The following CELF2 variants were observed in gnomAD, a reference collection of about 807,000 sequenced individuals.
CELF2 encodes the protein CUG triplet repeat RNA-binding protein 2.
Under a neutral mutation model 62.6 loss-of-function variants are expected in CELF2, and 8 were observed. The ratio of observed to expected loss-of-function variants is 0.13; its 90% CI spans 0.07 to 0.23. The LOEUF (loss-of-function observed/expected upper bound fraction) is 0.23, where lower values mean the gene tolerates loss of function less well. Among genes scored for constraint, CELF2 ranks in the 10% least tolerant of loss-of-function variants. CELF2 has a pLI of 1.00. For synonymous variants in CELF2, 258 were observed against 250.0 expected, an observed-to-expected ratio of 1.03 and a Z score of -0.30; for missense variants, 333 against 671.0, an observed-to-expected ratio of 0.50 and a Z score of 5.56.
chr10:10,799,493 A>T (rs1419945181), intron 1 of CELF2, among the ~76,000 whole-genome samples: 1 of 152,048 alleles, frequency 6.6e-6, no homozygotes, highest in African/African-American at 2.4e-5. Flanking sequence ...CAAAAAATTT[A>T]AAAAAAGAGT....
chr10:10,742,932 T>G, the CELF2 span, among the ~76,000 whole-genome samples: 4 of 152,222 alleles, frequency 2.6e-5, no homozygotes, highest in South Asian at 8.3e-4. Context: ...ATTCTCAACT[T>G]TATGGAGAAA....
intron 2 of CELF2, among the ~76,000 whole-genome samples, chr10:10,963,083 C>A (rs922711191): frequency 3.6e-4 from 55 of 151,590 alleles, no homozygotes; most frequent in African/African-American, 1.2e-3. Flanking sequence ...CTCTGTTGCC[C>A]AGGCTGGAGT....
rs1387953733 is a variant in CELF2, at chr10:11,046,682, C to A, written c.74+28519C>A. On this transcript the variant is annotated intron_variant, in intron 1 of 12. Transcript: ENST00000633077. The surrounding 1 kb of genome is among the most constrained non-coding windows in gnomAD (Gnocchi z 4.6). ...CGGACGCTAATAACAGCCCGCAGAA[C>A]CCTCAGGACCCATACAGGAATGAGG... Among the ~76,000 whole-genome samples, 3 of 152,134 alleles carry A rather than the reference C, an allele frequency of 2.0e-5. No homozygotes were observed. Among genetic ancestry groups the A allele is most frequent in the Non-Finnish European group, 4.4e-5 (3 of 68,022 alleles).
chr10:11,266,442 A>C (rs865864692), intron 5 of CELF2, among the ~76,000 whole-genome samples, 156 bp from the exon 6 acceptor site: 26 of 152,268 alleles, frequency 1.7e-4, no homozygotes, highest in Non-Finnish European at 1.5e-4. Flanking sequence ...AAAATAAGAT[A>C]AAACCAGAGA....
In CELF2 at chr10:11,117,383, G is replaced by A. The variant is rs2056783573; in HGVS notation, c.75-48103G>A. On this transcript the variant is annotated intron_variant, in intron 1 of 12. Transcript: ENST00000633077. This position sits in a 1 kb window ranked among gnomAD's most constrained non-coding sequence, Gnocchi z 4.1. Reference sequence around the variant, plus strand: ...CACAAAAGTCAAAATGTTTTGCCCTGTAGAAATTGGTTAGGTATCATTCGA... The same window carrying A: ...CACAAAAGTCAAAATGTTTTGCCCTATAGAAATTGGTTAGGTATCATTCGA... 6.6e-6 allele frequency among the ~76,000 whole-genome samples: 1 copy of A among 152,136 alleles called. No homozygotes were observed. The highest frequency in any genetic ancestry group is 2.4e-5 in the African/African-American group (1 of 41,422).
In CELF2 at chr10:11,211,152, C is replaced by G. The variant is rs2061684545; in HGVS notation, c.272-6273C>G. ...AATTAGCCTGGTGTAGTGGCACATGCCTGCAGTCCTGGATACTCAGCAGCC... is the reference window on the plus strand; with the variant it reads ...AATTAGCCTGGTGTAGTGGCACATGGCTGCAGTCCTGGATACTCAGCAGCC... On this transcript the variant is annotated intron_variant, in intron 2 of 12. Coordinates refer to ENST00000633077, the MANE Select transcript of CELF2 (RefSeq NM_001326342.2). The surrounding 1 kb of genome is among the most constrained non-coding windows in gnomAD (Gnocchi z 4.8). Among the ~76,000 whole-genome samples, 2 of 152,106 alleles carry G rather than the reference C, an allele frequency of 1.3e-5. No individual in the cohort carries two copies. The highest frequency in any genetic ancestry group is 4.8e-5 in the African/African-American group (2 of 41,422).
the CELF2 span, among the ~76,000 whole-genome samples, chr10:10,737,390 A>G: frequency 2.0e-5 from 3 of 152,122 alleles, no homozygotes; most frequent in African/African-American, 7.2e-5. Context: ...ACAGAGAATT[A>G]TCTCTAAACA....
At chr10:10,901,416 G>T (rs10795831) in intron 1 of CELF2, among the ~76,000 whole-genome samples, 45,235 of 152,074 alleles carry the variant, frequency 0.3, 7,589 homozygotes, top group East Asian at 0.65. Flanking sequence ...CAAAATCAAT[G>T]AAGTGAGAAA....
the CELF2 span, among the ~76,000 whole-genome samples, chr10:10,655,057 C>G: frequency 1.5e-4 from 23 of 149,766 alleles, no homozygotes; most frequent in East Asian, 3.7e-3. Flanking sequence ...AAATCACAAG[C>G]ATTCTTATAC....
chr10:10,711,761 A>G, the CELF2 span, among the ~76,000 whole-genome samples: 1 of 152,142 alleles, frequency 6.6e-6, no homozygotes, highest in Non-Finnish European at 1.5e-5. Context: ...GCATGCCTGT[A>G]GTCTCAGCTA....
chr10:11,205,646 G>A (rs2060253940), intron 2 of CELF2, among the ~76,000 whole-genome samples: 1 of 152,220 alleles, frequency 6.6e-6, no homozygotes, highest in Non-Finnish European at 1.5e-5. Context: ...ATGGGCATGA[G>A]AAGACTATCC....
the CELF2 span, among the ~76,000 whole-genome samples, chr10:10,687,758 T>G: frequency 6.6e-6 from 1 of 152,240 alleles, no homozygotes; most frequent in Non-Finnish European, 1.5e-5. Flanking sequence ...GGTTGAAAGT[T>G]TTCTTGCCGG....
chr10:10,568,103 A>G, the CELF2 span, among the ~76,000 whole-genome samples: 1 of 152,270 alleles, frequency 6.6e-6, no homozygotes, highest in East Asian at 1.9e-4. Context: ...AGGAAGTAAA[A>G]GGAGGCAAGG....
intron 1 of CELF2, among the ~76,000 whole-genome samples, chr10:10,894,549 C>A (rs1333772865): frequency 6.6e-6 from 1 of 152,140 alleles, no homozygotes; most frequent in African/African-American, 2.4e-5. Context: ...ACGTCCCAGG[C>A]CCTGGTTTCA....
chr10:10,727,030 T>G, the CELF2 span, among the ~76,000 whole-genome samples: 1 of 152,166 alleles, frequency 6.6e-6, no homozygotes, highest in Non-Finnish European at 1.5e-5. Context: ...AACAACCAGA[T>G]CTCGTGAGAA....
chr10:11,060,838 G>C (rs958374194), intron 1 of CELF2, among the ~76,000 whole-genome samples: 1 of 152,128 alleles, frequency 6.6e-6, no homozygotes, highest in Non-Finnish European at 1.5e-5. Context: ...TGTTACTATT[G>C]TAATTGTTTC....
the CELF2 span, among the ~76,000 whole-genome samples, chr10:10,786,154 C>A: frequency 6.6e-6 from 1 of 152,188 alleles, no homozygotes; most frequent in Non-Finnish European, 1.5e-5. Context: ...GGGTCAGCCA[C>A]ACAGGAGCTG....
intron 2 of CELF2, among the ~76,000 whole-genome samples, chr10:11,174,311 G>C (rs2070169713): frequency 6.6e-6 from 1 of 152,166 alleles, no homozygotes; most frequent in Non-Finnish European, 1.5e-5. Flanking sequence ...AATGGAAAAA[G>C]GGGCTAGTTA....
At chr10:10,669,028 T>A in the CELF2 span, among the ~76,000 whole-genome samples, 1 of 152,180 alleles carries the variant, frequency 6.6e-6, no homozygotes, top group Admixed American at 6.5e-5. Context: ...AGTTGGTTTG[T>A]CCTAAAGGGG....
Sources: gnomAD v4.1 joint callset for allele counts (sites outside exome capture counted in the v4.1 genomes callset) on GRCh38, gnomAD v4.1.1 for gene constraint, Gnocchi (gnomAD v3.1) non-coding constraint, MANE v1.5 for transcripts, NCBI Gene and HGNC (gene_info 2026-07-23, HGNC 2026-07-21) for gene names.